HYDIN: variants seen among roughly 807,000 people sequenced by gnomAD.
HYDIN encodes the protein HYDIN axonemal central pair apparatus protein.
HYDIN carries 132 observed loss-of-function variants against 403.9 expected under a neutral mutation model. The observed-to-expected ratio is 0.33, with a 90% CI of 0.28 to 0.38. The LOEUF is 0.38. HYDIN is among the 10% of genes least tolerant of loss of function. The probability of loss-of-function intolerance (pLI) is 1.00; values close to 1 mark genes in which losing one functional copy is unlikely to be tolerated. For synonymous variants in HYDIN, 1,202 were observed against 1,891.7 expected (o/e 0.64, Z 9.46); for missense variants, 2,827 against 5,009.5 (o/e 0.56, Z 13.15).
intron 84 of HYDIN, among the ~76,000 whole-genome samples, chr16:70,817,754 T>C (rs2143453332): frequency 6.6e-6 from 1 of 152,170 alleles, no homozygotes; most frequent in Non-Finnish European, 1.5e-5. Context: ...TATTTTATAT[T>C]ATTTTGAGAT....
intron 1 of HYDIN, among the ~76,000 whole-genome samples, chr16:71,230,255 C>G (rs1174709023): frequency 2.6e-5 from 4 of 152,192 alleles, no homozygotes; most frequent in Non-Finnish European, 5.9e-5. Flanking sequence ...CCATTTTCCC[C>G]GGTAAGACGG....
chr16:71,207,018 T>G (rs911066129), intron 1 of HYDIN, among the ~76,000 whole-genome samples: 3 of 152,092 alleles, frequency 2.0e-5, no homozygotes, highest in Non-Finnish European at 4.4e-5. Flanking sequence ...ATACCATCCA[T>G]GAAAACTTCC....
intron 1 of HYDIN, among the ~76,000 whole-genome samples, chr16:71,190,228 A>G (rs2087362465): frequency 6.6e-6 from 1 of 152,126 alleles, no homozygotes; most frequent in Admixed American, 6.5e-5. Flanking sequence ...TATACAGTGA[A>G]CTTGGCACAT....
intron 5 of HYDIN, among the ~76,000 whole-genome samples, chr16:71,170,635 G>GT (rs961789379): frequency 1.3e-5 from 2 of 151,906 alleles, no homozygotes; most frequent in African/African-American, 2.4e-5. Flanking sequence ...GTATGCAATG[G>GT]TTTTTTTAAA....
intron 41 of HYDIN, among the ~76,000 whole-genome samples, chr16:70,949,338 T>C (rs944867231): frequency 3.4e-5 from 5 of 148,636 alleles, no homozygotes; most frequent in African/African-American, 1.2e-4. Context: ...GGGATAGCAC[T>C]GGGAGATATA....
chr16:70,847,866 TTTCTC>T (rs1301736074), intron 75 of HYDIN, among the ~76,000 whole-genome samples: 1 of 152,036 alleles, frequency 6.6e-6, no homozygotes, highest in Non-Finnish European at 1.5e-5. Context: ...TGAAATATTC[TTTCTC>T]TTATTTTCTC....
At chr16:70,936,722 G>A (rs1227062918) in intron 44 of HYDIN, among the ~76,000 whole-genome samples, 32 of 148,090 alleles carry the variant, frequency 2.2e-4, no homozygotes, top group Non-Finnish European at 7.6e-5. Flanking sequence ...AGTAGAGACG[G>A]GGTTTCGCCA....
intron 10 of HYDIN, among the ~76,000 whole-genome samples, chr16:71,098,194 ACTTT>A (rs1395762086): frequency 6.0e-5 from 8 of 134,062 alleles, no homozygotes; most frequent in Non-Finnish European, 7.5e-5. Context: ...TATAGATAAA[ACTTT>A]CTTTCTTTTT....
At chr16:70,903,015 G>T (rs1377969859) in intron 52 of HYDIN, among the ~76,000 whole-genome samples, 2 of 136,488 alleles carry the variant, frequency 1.5e-5, no homozygotes, top group Non-Finnish European at 3.1e-5. Flanking sequence ...AGAGTGTAGT[G>T]GCATGATCAT....
At chr16:70,878,022 T>G (rs1306124407) in intron 62 of HYDIN, among the ~76,000 whole-genome samples, 6 of 152,178 alleles carry the variant, frequency 3.9e-5, no homozygotes, top group Non-Finnish European at 8.8e-5. Flanking sequence ...GATGGTGATA[T>G]GGTTTGGCTG....
intron 84 of HYDIN, among the ~76,000 whole-genome samples, chr16:70,817,886 C>T (rs1450593611): frequency 7.2e-5 from 11 of 151,996 alleles, no homozygotes; most frequent in Non-Finnish European, 1.5e-4. Context: ...GGATTACAGG[C>T]GCCCACCACC....
chr16:71,186,281 A>G (rs1597979168), intron 2 of HYDIN, among the ~76,000 whole-genome samples: 2 of 152,262 alleles, frequency 1.3e-5, no homozygotes, highest in East Asian at 3.9e-4. Context: ...AGCTATAAAT[A>G]TGTTTTATTT....
intron 1 of HYDIN, among the ~76,000 whole-genome samples, chr16:71,194,343 G>A (rs947423882): frequency 5.9e-5 from 9 of 152,146 alleles, no homozygotes; most frequent in South Asian, 4.1e-4. Context: ...CCAGGGAGGC[G>A]GAGGTTGCAG....
At chr16:70,881,208 G>A (rs2656713) in intron 60 of HYDIN, among the ~76,000 whole-genome samples, 16 of 122,056 alleles carry the variant, frequency 1.3e-4, no homozygotes, top group African/African-American at 6.5e-4. Context: ...CCTGGGCAAC[G>A]AGAGTGAGAC....
chr16:71,172,430 G>A (rs1182482677), intron 5 of HYDIN, among the ~76,000 whole-genome samples: 1 of 152,152 alleles, frequency 6.6e-6, no homozygotes, highest in Non-Finnish European at 1.5e-5. Flanking sequence ...GAATTTTATA[G>A]TGTTATTTTA....
rs1438817352 is a variant in HYDIN at position 70,968,025 on chromosome 16, TATG to T, written c.5619+2492_5619+2494del. Reference sequence around the variant, plus strand: ...TGGAATTTGAAACATCATTATGTGTTATGATTTTTTTCCCCTCTTAAAAATCAC... The same window carrying T: ...TGGAATTTGAAACATCATTATGTGTTATTTTTTTCCCCTCTTAAAAATCAC... On this transcript the variant is annotated intron_variant, in intron 36 of 85. Transcript: ENST00000393567. Among the ~76,000 whole-genome samples the T allele has an allele frequency of 1.0e-4, 14 of 137,850 alleles. No individual in the cohort carries two copies. The East Asian group carries it at 3.0e-3, about 29-fold the overall frequency. 90.4% of individuals were successfully genotyped at this position (137,850 alleles called of 152,430 possible).
At chr16:71,035,869 A>G (rs1351445512) in intron 18 of HYDIN, among the ~76,000 whole-genome samples, 1 of 152,074 alleles carries the variant, frequency 6.6e-6, no homozygotes, top group Non-Finnish European at 1.5e-5. Flanking sequence ...AAGAGAAGAA[A>G]GAGAAAGGAG....
chr16:70,833,712 A>G (rs2143514638), intron 79 of HYDIN, among the ~76,000 whole-genome samples, 175 bp downstream of exon 79: 1 of 138,888 alleles, frequency 7.2e-6, no homozygotes, highest in South Asian at 2.5e-4. Flanking sequence ...TAGTAATCAT[A>G]GTAGCAGCAA....
Position 70,962,151 on chromosome 16 carries a change from A to G in HYDIN, c.5789-13T>C. 1.5e-6 allele frequency: 1 copy of G among 664,032 alleles called. No homozygotes were observed. 41.1% of individuals were successfully genotyped at this position (664,032 alleles called of 1,614,324 possible). Reference sequence around the variant, plus strand: ...ATATCTTCCTCTTCTGCCAGGTAGCAAAGGATGAAAACACCAGGGGAAGAG... The same window carrying G: ...ATATCTTCCTCTTCTGCCAGGTAGCGAAGGATGAAAACACCAGGGGAAGAG... On this transcript the variant is annotated splice_polypyrimidine_tract_variant and intron_variant, in intron 37 of 85. Coordinates refer to ENST00000393567, the MANE Select transcript of HYDIN (RefSeq NM_001270974.2).
Sources: allele counts gnomAD v4.1 joint callset (sites outside exome capture counted in the v4.1 genomes callset), GRCh38; gene constraint gnomAD v4.1.1; transcripts MANE v1.5; gene names NCBI Gene and HGNC (gene_info 2026-07-23, HGNC 2026-07-21).